Variants in ACSF3 observed in about 807,000 individuals in gnomAD.
The protein encoded by ACSF3 is acyl-CoA synthetase family member 3.
ACSF3 carries 78 observed loss-of-function variants against 53.2 expected under a neutral mutation model. That is an observed-to-expected ratio of 1.47 (90% CI 1.22 to 1.77). The LOEUF (loss-of-function observed/expected upper bound fraction) is 1.77. ACSF3 is among the 40% of genes most tolerant of loss of function. ACSF3 has a pLI of 0.00. For missense variants in ACSF3, 937 were observed against 771.1 expected, an observed-to-expected ratio of 1.22 and a Z score of -2.55; for synonymous variants, 414 against 333.1, an observed-to-expected ratio of 1.24 and a Z score of -2.65.
intron 3 of ACSF3, among the ~76,000 whole-genome samples, chr16:89,101,676 A>G (rs778132266): frequency 1.6e-4 from 25 of 152,190 alleles, no homozygotes; most frequent in Non-Finnish European, 2.8e-4. Context: ...GCCACGTGTT[A>G]GGATGCGTGG....
intron 10 of ACSF3, chr16:89,150,821 T>A (rs1913953174): frequency 2.4e-6 from 1 of 420,510 alleles, no homozygotes; most frequent in South Asian, 2.1e-5. Context: ...CAGCCCTGAG[T>A]CCTGCTTGCT....
At chr16:89,135,190 T>C (rs549025957) in intron 8 of ACSF3, among the ~76,000 whole-genome samples, 2 of 152,244 alleles carry the variant, frequency 1.3e-5, no homozygotes, top group South Asian at 4.1e-4. Context: ...CAGAATCTGC[T>C]GGCCCAAAAT....
chr16:89,111,686 G>T (rs893977232), intron 4 of ACSF3, among the ~76,000 whole-genome samples: 4 of 152,226 alleles, frequency 2.6e-5, no homozygotes, highest in African/African-American at 9.6e-5. Flanking sequence ...TTAAATAAAA[G>T]ACTTCACCCG....
In ACSF3 at chr16:89,137,642, G is replaced by A. The variant is rs375279784; in HGVS notation, c.1366+4380G>A. 7.2e-4 allele frequency among the ~76,000 whole-genome samples: 108 copies of A among 149,800 alleles called. 1 individual carries two copies. In the East Asian group the frequency reaches 0.019, roughly 26 times the overall value. Reference sequence around the variant, plus strand: ...CCCGGGAGGACCACCAGGAGCTCACGGGGAAGGACTGAGGGGAAGAGCCCC... The same window carrying A: ...CCCGGGAGGACCACCAGGAGCTCACAGGGAAGGACTGAGGGGAAGAGCCCC... On this transcript the variant is annotated intron_variant, in intron 8 of 10. Coordinates refer to ENST00000614302, the MANE Select transcript of ACSF3 (RefSeq NM_001243279.3).
At chr16:89,129,477 C>A (rs1908843568) in intron 7 of ACSF3, among the ~76,000 whole-genome samples, 1 of 151,810 alleles carries the variant, frequency 6.6e-6, no homozygotes, top group Non-Finnish European at 1.5e-5. Flanking sequence ...TTGTTCTATC[C>A]CTTTACTTCC....
intron 10 of ACSF3, chr16:89,151,608 TA>T (rs1233816428): frequency 4.8e-4 from 65 of 134,536 alleles, no homozygotes; most frequent in Admixed American, 9.7e-4. Context: ...TAATTCACCA[TA>T]TATTTTTTTT....
intron 2 of ACSF3, among the ~76,000 whole-genome samples, chr16:89,099,413 A>C (rs1448420051): frequency 6.6e-6 from 1 of 152,174 alleles, no homozygotes; most frequent in African/African-American, 2.4e-5. Flanking sequence ...TTAGTAGTTA[A>C]GTTTTTGGGG....
At position 89,155,388 on chromosome 16, in the gene ACSF3, C is replaced by T; in HGVS notation, c.*1181C>T. ...GACAGGAGACCAGCCCCATCTCAGG[C>T]TCACATGCCTCGCGGACAGTTGGAC... is the stretch of plus-strand genomic sequence containing the variant. On this transcript the variant is annotated 3_prime_UTR_variant, in exon 11 of 11. Coordinates refer to ENST00000614302, the MANE Select transcript of ACSF3 (RefSeq NM_001243279.3). The T allele has an allele frequency of 4.4e-6, 2 of 452,520 alleles. No individual in the cohort carries two copies. Among genetic ancestry groups the T allele is most frequent in the Non-Finnish European group, 8.9e-6 (2 of 225,376 alleles). The allele number at this position is 452,520 out of a possible 1,614,324, so 28.0% of individuals were successfully genotyped here.
intron 4 of ACSF3, among the ~76,000 whole-genome samples, chr16:89,103,428 GC>G (rs928152747): frequency 1.3e-5 from 2 of 152,352 alleles, no homozygotes; most frequent in Non-Finnish European, 2.9e-5. Flanking sequence ...GGCCGCCTGT[GC>G]CCTTGGCTCC....
intron 1 of ACSF3, among the ~76,000 whole-genome samples, chr16:89,094,904 T>C (rs925279247): frequency 1.3e-5 from 2 of 152,052 alleles, no homozygotes; most frequent in Admixed American, 1.3e-4. Flanking sequence ...CAATAAATAA[T>C]AAAACTGAAA....
chr16:89,132,692 G>A (rs2151519262), intron 7 of ACSF3, among the ~76,000 whole-genome samples: 1 of 152,394 alleles, frequency 6.6e-6, no homozygotes, highest in South Asian at 2.1e-4. Flanking sequence ...TGGGCAAGGT[G>A]TGGACAGGTG....
intron 7 of ACSF3, among the ~76,000 whole-genome samples, chr16:89,123,153 G>C (rs752163997): frequency 6.6e-6 from 1 of 152,174 alleles, no homozygotes; most frequent in Non-Finnish European, 1.5e-5. Flanking sequence ...GCTGCCCTGC[G>C]GGGCCTGGCT....
intron 8 of ACSF3, chr16:89,136,698 G>T: frequency 7.8e-7 from 1 of 1,287,122 alleles, no homozygotes; most frequent in Non-Finnish European, 1.0e-6. Context: ...TGCCAGCTTT[G>T]ATGCCAGCCG....
At chr16:89,126,527 C>T (rs1033375144) in intron 7 of ACSF3, among the ~76,000 whole-genome samples, 1 of 152,228 alleles carries the variant, frequency 6.6e-6, no homozygotes. Flanking sequence ...CCTCGGCCTC[C>T]CAAGATGCTG....
intron 8 of ACSF3, among the ~76,000 whole-genome samples, chr16:89,142,543 AC>A (rs1911991172): frequency 9.0e-6 from 1 of 110,692 alleles, no homozygotes; most frequent in East Asian, 2.1e-4. Context: ...ACACACCCAC[AC>A]CTGCAGACAC....
chr16:89,148,948 C>T (rs1012021599), intron 10 of ACSF3: 17 of 152,218 alleles, frequency 1.1e-4, no homozygotes, highest in Admixed American at 1.1e-3. Context: ...TTTCTGCAGC[C>T]AGCTTGAATT....
chr16:89,133,084 A>G lies in ACSF3; in HGVS notation c.1240-52A>G, dbSNP rs368224688. On this transcript the variant is annotated intron_variant, in intron 7 of 10. Coordinates refer to ENST00000614302, the MANE Select transcript of ACSF3 (RefSeq NM_001243279.3). ...CAGCCCACAGTTTCAGAAAGCACCA[A>G]TCCCAAGAGGGTGTGCCCAGCTCTG... 2.1e-5 allele frequency: 34 copies of G among 1,611,590 alleles called. No individual in the cohort carries two copies. In the East Asian group the frequency reaches 2.7e-4, roughly 13 times the overall value.
chr16:89,120,718 C>G, intron 6 of ACSF3, 83 bp from the exon 7 acceptor site: 1 of 1,333,902 alleles, frequency 7.5e-7, no homozygotes, highest in Non-Finnish European at 1.1e-6. Flanking sequence ...GGGAGCTCAG[C>G]GGGATCCGAG....
intron 8 of ACSF3, 194 bp from the exon 9 acceptor site, chr16:89,145,072 CG>C: frequency 6.8e-7 from 1 of 1,476,094 alleles, no homozygotes; most frequent in Non-Finnish European, 9.2e-7. Context: ...GGACGCACGT[CG>C]TGACCACCAG....
Sources: gnomAD v4.1 joint callset for allele counts (sites outside exome capture counted in the v4.1 genomes callset) on GRCh38, gnomAD v4.1.1 for gene constraint, MANE v1.5 for transcripts, NCBI Gene and HGNC (gene_info 2026-07-23, HGNC 2026-07-21) for gene names.